Variants in WDPCP observed in about 807,000 individuals in gnomAD.
WDPCP encodes WD repeat-containing and planar cell polarity effector protein fritz homolog.
In WDPCP, 71 loss-of-function variants were observed where a neutral mutation model predicts 93.1. The observed-to-expected ratio is 0.76, with a 90% confidence interval of 0.63 to 0.93. WDPCP has a LOEUF of 0.93. WDPCP is among the 40% of genes least tolerant of loss of function. WDPCP has a pLI of 0.00. For missense variants in WDPCP, 844 were observed against 887.4 expected, an observed-to-expected ratio of 0.95 and a Z score of 0.62; for synonymous variants, 315 against 315.0, an observed-to-expected ratio of 1.00 and a Z score of 0.00.
intron 13 of WDPCP, among the ~76,000 whole-genome samples, chr2:63,272,632 TATC>T (rs1488000875): frequency 6.6e-6 from 1 of 152,166 alleles, no homozygotes; most frequent in East Asian, 1.9e-4. Context: ...TCAACAGAGA[TATC>T]ATTTAAAAAA....
At chr2:63,476,254 A>G (rs1216247293) in intron 6 of WDPCP, among the ~76,000 whole-genome samples, 1 of 152,136 alleles carries the variant, frequency 6.6e-6, no homozygotes, top group Non-Finnish European at 1.5e-5. Context: ...GTTCCTTAAT[A>G]TAACATTCAA....
At chr2:63,152,811 T>G in intron 17 of WDPCP, 103 bp downstream of exon 17, 1 of 1,081,226 alleles carries the variant, frequency 9.2e-7, no homozygotes, top group Non-Finnish European at 1.4e-6. Flanking sequence ...GTCCAGTTAA[T>G]GTAGACCAAT....
intron 3 of WDPCP, among the ~76,000 whole-genome samples, chr2:63,600,495 T>C (rs2106617530): frequency 6.6e-6 from 1 of 152,350 alleles, no homozygotes; most frequent in Admixed American, 6.5e-5. Context: ...TTTGAGAAAG[T>C]ATATTCAATG....
intron 1 of WDPCP, among the ~76,000 whole-genome samples, chr2:63,822,861 T>C (rs11904498): frequency 0.056 from 8,426 of 151,016 alleles, 271 homozygotes; most frequent in Middle Eastern, 0.1. Flanking sequence ...TAAATATATA[T>C]ATATATTTGA....
rs192196713 is a variant in WDPCP at position 63,492,857 on chromosome 2, C to T, written c.159G>A (p.Ala53=). ...LWSLKNTLHI[A]DRDIGIYQYY... The stretch of plus-strand genomic sequence containing the variant: ...GAAATTAATCCAGAGCTCATTTACC[C>T]GCAATGTGTAAGGTATTCTTCAAAG... The change falls in exon 2 of 18, where the codon GCG becomes GCA. Residue 53 remains alanine (A), a splice_region_variant and synonymous_variant. Transcript: ENST00000272321. The T allele has an allele frequency of 6.4e-5, 104 of 1,613,120 alleles. No individual in the cohort carries two copies. Among genetic ancestry groups the T allele is most frequent in the Middle Eastern group, 3.3e-4 (2 of 6,054 alleles).
At chr2:63,812,691 A>G (rs562737409) in intron 2 of WDPCP, among the ~76,000 whole-genome samples, 70 of 152,250 alleles carry the variant, frequency 4.6e-4, no homozygotes, top group African/African-American at 1.6e-3. Context: ...ACCCACAGAA[A>G]CTGTGGAATA....
intron 2 of WDPCP, among the ~76,000 whole-genome samples, chr2:63,723,875 A>T (rs1669462470): frequency 6.6e-6 from 1 of 152,214 alleles, no homozygotes; most frequent in Non-Finnish European, 1.5e-5. Flanking sequence ...TTGACTTCTG[A>T]TAAATTTGTG....
chr2:63,739,172 C>G (rs1371389024), intron 2 of WDPCP, among the ~76,000 whole-genome samples: 1 of 152,070 alleles, frequency 6.6e-6, no homozygotes, highest in Non-Finnish European at 1.5e-5. Context: ...TTTTCTGCTC[C>G]TTTCCTTCCT....
intron 9 of WDPCP, among the ~76,000 whole-genome samples, chr2:63,426,078 G>T (rs183833290): frequency 6.6e-6 from 1 of 152,188 alleles, no homozygotes; most frequent in Non-Finnish European, 1.5e-5. Flanking sequence ...GGTGGCTCAC[G>T]CCTGTAATCC....
intron 1 of WDPCP, among the ~76,000 whole-genome samples, chr2:63,496,634 T>G (rs1385477885): frequency 6.6e-6 from 1 of 152,184 alleles, no homozygotes; most frequent in Admixed American, 6.5e-5. Flanking sequence ...GATCCATATC[T>G]AGGACCAATG....
intron 14 of WDPCP, among the ~76,000 whole-genome samples, chr2:63,257,941 G>A (rs1478517376): frequency 6.6e-6 from 1 of 152,088 alleles, no homozygotes; most frequent in Non-Finnish European, 1.5e-5. Flanking sequence ...TTCCTGCTTT[G>A]TTTTCCTAAA....
At chr2:63,523,741 A>G (rs1271584547) in intron 1 of WDPCP, among the ~76,000 whole-genome samples, 1 of 151,954 alleles carries the variant, frequency 6.6e-6, no homozygotes, top group Non-Finnish European at 1.5e-5. Flanking sequence ...GCAAAACGCC[A>G]TCTCGAATAA....
intron 3 of WDPCP, among the ~76,000 whole-genome samples, chr2:63,615,903 T>C (rs1215415050): frequency 1.3e-5 from 2 of 152,246 alleles, no homozygotes; most frequent in Admixed American, 6.5e-5. Flanking sequence ...GCTAAATTCA[T>C]AGCACTACTT....
intron 6 of WDPCP, among the ~76,000 whole-genome samples, chr2:63,482,531 C>T (rs993734270): frequency 2.6e-5 from 4 of 151,930 alleles, no homozygotes; most frequent in Admixed American, 2.6e-4. Flanking sequence ...GGTTCATTCC[C>T]TTAAGCTAAT....
At chr2:63,402,373 T>G (rs1013378395) in intron 10 of WDPCP, among the ~76,000 whole-genome samples, 3 of 152,090 alleles carry the variant, frequency 2.0e-5, no homozygotes, top group African/African-American at 7.2e-5. Context: ...CATGCAGGGC[T>G]TAAAACCTAG....
At chr2:63,630,014 G>C (rs1709848362) in intron 3 of WDPCP, among the ~76,000 whole-genome samples, 3 of 152,154 alleles carry the variant, frequency 2.0e-5, no homozygotes, top group Admixed American at 2.0e-4. Flanking sequence ...GGATTTAAAG[G>C]CAGCTATTAT....
At chr2:63,451,201 T>C (rs1006600598) in intron 6 of WDPCP, among the ~76,000 whole-genome samples, 2 of 151,410 alleles carry the variant, frequency 1.3e-5, no homozygotes, top group African/African-American at 4.9e-5. Flanking sequence ...TTCTATGAAA[T>C]ACAAAATACA....
chr2:63,360,109 A>C (rs185038571), intron 12 of WDPCP: 1 of 152,332 alleles, frequency 6.6e-6, no homozygotes, highest in East Asian at 1.9e-4. Flanking sequence ...ATAAAATAAC[A>C]TTTCTTAGGA....
intron 14 of WDPCP, among the ~76,000 whole-genome samples, chr2:63,185,827 G>C (rs1252584081): frequency 6.6e-6 from 1 of 152,282 alleles, no homozygotes; most frequent in East Asian, 1.9e-4. Context: ...ATGCTCAGTG[G>C]TTTGGGTTTT....
Sources: gnomAD v4.1 joint callset for allele counts (sites outside exome capture counted in the v4.1 genomes callset) on GRCh38, gnomAD v4.1.1 for gene constraint, MANE v1.5 for transcripts, NCBI Gene and HGNC (gene_info 2026-07-23, HGNC 2026-07-21) for gene names.